Variants in BBOF1 observed in about 807,000 individuals in gnomAD.
The protein encoded by BBOF1 is basal body orientation factor 1, also known as basal body-orientation factor 1.
In BBOF1, 62 loss-of-function variants were observed where a neutral mutation model predicts 68.0. That is an observed-to-expected ratio of 0.91 (90% CI 0.74 to 1.13). The LOEUF is 1.13. BBOF1 is among the 50% of genes most tolerant of loss of function. BBOF1 has a pLI of 0.00. For synonymous variants in BBOF1, 208 were observed against 198.8 expected (o/e 1.05, Z -0.39); for missense variants, 534 against 600.1 (o/e 0.89, Z 1.15).
chr14:74,069,094 A>AT, downstream of BBOF1: 1 of 939,048 alleles, frequency 1.1e-6, no homozygotes, highest in Non-Finnish European at 1.5e-6. Flanking sequence ...TTTTTCTTTT[A>AT]CTTTTTCTTT....
downstream of BBOF1, chr14:74,066,833 G>T (rs756777014): frequency 6.2e-7 from 1 of 1,613,910 alleles, no homozygotes; most frequent in South Asian, 1.1e-5. Context: ...TTACAGACTC[G>T]CTCTTTGGCC....
intron 9 of BBOF1, chr14:74,072,030 C>G (rs2060556690): frequency 1.3e-6 from 2 of 1,593,258 alleles, no homozygotes; most frequent in Admixed American, 3.3e-5. Context: ...CTTTTAAATT[C>G]TGAGGTAGCA....
rs186267246 is a variant in BBOF1 at position 74,078,248 on chromosome 14, A to G, written n.1432A>G. The G allele has an allele frequency of 3.8e-4, 173 of 456,032 alleles. 1 individual carries two copies. Among genetic ancestry groups the G allele is most frequent in the Non-Finnish European group, 5.5e-4 (124 of 226,780 alleles). The allele number at this position is 456,032 out of a possible 1,614,324, so 28.2% of individuals were successfully genotyped here. A position where few individuals can be genotyped will look rare whatever the true frequency, so the allele number is the denominator to read the frequency against. ...TTCTCAACTTCCTACTAGCAAACCT[A>G]CAAAACTGAACTCAACCTAATGGAG... On this transcript the variant is annotated non_coding_transcript_exon_variant, in exon 10 of 13. Transcript: ENST00000492026.
At position 74,048,042 on chromosome 14, in the gene BBOF1, C is replaced by T. The variant is rs752110701; in HGVS notation, c.760C>T (p.Gln254Ter). The T allele has an allele frequency of 1.2e-6, 2 of 1,612,982 alleles. No homozygotes were observed. Among genetic ancestry groups the T allele is most frequent in the Non-Finnish European group, 1.7e-6 (2 of 1,179,644 alleles). Residue 254 changes from glutamine to a stop codon, truncating the protein, a stop_gained, in exon 7 of 12, where the codon CAA becomes TAA. Transcript: ENST00000394009. LOFTEE classifies it high-confidence loss of function. ...TCTACAAAAAAACTCCCAGAAGTTG[C>T]AAGAGAGTCATACTTTACTTTTACA... The part of the protein sequence containing the change: ...DALQKNSQKL[Q>*]ESHTLLLHQK...
At chr14:74,022,699 G>A (rs2059330577) in intron 1 of BBOF1, among the ~76,000 whole-genome samples, 1 of 152,110 alleles carries the variant, frequency 6.6e-6, no homozygotes, top group Non-Finnish European at 1.5e-5. Context: ...GAATACAAGT[G>A]AATATGTATT....
At chr14:74,082,714 T>C (rs1026932619) in intron 12 of BBOF1, 7 of 152,102 alleles carry the variant, frequency 4.6e-5, no homozygotes, top group Admixed American at 2.0e-4. Flanking sequence ...GGCTACTTTT[T>C]ATCGAACTTT....
intron 8 of BBOF1, among the ~76,000 whole-genome samples, chr14:74,050,850 T>C (rs1394645365): frequency 6.6e-6 from 1 of 152,176 alleles, no homozygotes; most frequent in African/African-American, 2.4e-5. Context: ...GGCTTACACC[T>C]GTAATCCCAG....
chr14:74,038,951 T>G (rs1451439583), intron 4 of BBOF1, among the ~76,000 whole-genome samples: 1 of 152,198 alleles, frequency 6.6e-6, no homozygotes, highest in Non-Finnish European at 1.5e-5. Flanking sequence ...TATACCCGAT[T>G]AACCAAAGAA....
At chr14:74,033,913 A>AT in intron 3 of BBOF1, 115 bp from the exon 4 acceptor site, 1 of 529,350 alleles carries the variant, frequency 1.9e-6, no homozygotes, top group Middle Eastern at 3.6e-4. Flanking sequence ...AATAGAAAAA[A>AT]GGGGGGATAT....
At chr14:74,035,633 A>C (rs1413313471) in intron 4 of BBOF1, among the ~76,000 whole-genome samples, 7 of 115,078 alleles carry the variant, frequency 6.1e-5, no homozygotes, top group Non-Finnish European at 1.1e-4. Context: ...GGGTTTTACC[A>C]TGCTGGTCAG....
In BBOF1 at chr14:74,047,933, A is replaced by T; in HGVS notation, c.651A>T (p.Gln217His). Residue 217 changes from glutamine to histidine, a missense_variant, in exon 7 of 12, where the codon CAA (glutamine) becomes CAT (histidine). Coordinates refer to ENST00000394009, the MANE Select transcript of BBOF1 (RefSeq NM_025057.3). ...AERAHHEAIV[Q>H]LNDAGRNVFK... is the part of the protein sequence containing the mutation. The stretch of plus-strand genomic sequence containing the variant: ...TGAGATCTTATATCTATTTCAGGCA[A>T]TTGAACGATGCTGGAAGAAATGTTT... 1.2e-6 allele frequency: 2 copies of T among 1,600,316 alleles called. No homozygotes were observed. The highest frequency in any genetic ancestry group is 1.7e-6 in the Non-Finnish European group (2 of 1,175,412).
intron 9 of BBOF1, chr14:74,074,894 G>A: frequency 6.5e-7 from 1 of 1,528,776 alleles, no homozygotes; most frequent in African/African-American, 1.4e-5. Context: ...AGAAGATAGA[G>A]ATACCCAAAA....
intron 1 of BBOF1, among the ~76,000 whole-genome samples, chr14:74,019,930 C>A (rs892493533): frequency 8.5e-5 from 13 of 152,174 alleles, no homozygotes; most frequent in African/African-American, 3.1e-4. Flanking sequence ...ATTGGGGGAC[C>A]CCGGTGGTTT....
At chr14:74,073,691 T>G (rs1230732485) in intron 9 of BBOF1, among the ~76,000 whole-genome samples, 1 of 151,874 alleles carries the variant, frequency 6.6e-6, no homozygotes, top group Non-Finnish European at 1.5e-5. Flanking sequence ...CCGAGGCAGG[T>G]GGATCAGTTG....
intron 9 of BBOF1, chr14:74,072,623 A>G: frequency 6.3e-7 from 1 of 1,597,790 alleles, no homozygotes. Flanking sequence ...TGAAAAAAAC[A>G]AACAAACAAA....
chr14:74,025,343 C>G (rs912257479), intron 2 of BBOF1, among the ~76,000 whole-genome samples: 1 of 151,986 alleles, frequency 6.6e-6, no homozygotes, highest in African/African-American at 2.4e-5. Context: ...GCCATTAAAC[C>G]AAAAGAAACA....
At position 74,023,025 on chromosome 14, in the gene BBOF1, A is replaced by G. The variant is rs1190398873; in HGVS notation, c.166A>G (p.Thr56Ala). Residue 56 changes from threonine to alanine, a missense_variant, in exon 2 of 12, where the codon ACT (threonine) becomes GCT (alanine). Thr to Ala is a moderately conservative substitution (Grantham distance 58). Transcript: ENST00000394009. Reference protein sequence around the residue: ...TELSRIKYRDTSRILAKSNED... With the variant: ...TELSRIKYRDASRILAKSNED... ...ACTCTCTAGGATTAAGTATCGTGAT[A>G]CTTCACGGATACTGGCAAAAAGTAA... 1.9e-6 allele frequency: 3 copies of G among 1,611,764 alleles called. No homozygotes were observed. The highest frequency in any genetic ancestry group is 1.3e-5 in the African/African-American group (1 of 74,906).
intron 3 of BBOF1, among the ~76,000 whole-genome samples, chr14:74,032,779 A>G (rs1427433784): frequency 6.6e-6 from 1 of 152,186 alleles, no homozygotes; most frequent in African/African-American, 2.4e-5. Flanking sequence ...GGTGTGAGCC[A>G]CCACGTCTGG....
chr14:74,025,127 A>G lies in BBOF1; in HGVS notation c.285+1983A>G, dbSNP rs141465962. Reference sequence around the variant, plus strand: ...GGTATTATTAAATTGCCCTCTATAAAGTATTGTTCTAAAGTAAGTTTTTTT... The same window carrying G: ...GGTATTATTAAATTGCCCTCTATAAGGTATTGTTCTAAAGTAAGTTTTTTT... On this transcript the variant is annotated intron_variant, in intron 2 of 11. Transcript: ENST00000394009. Among the ~76,000 whole-genome samples the G allele has an allele frequency of 2.2e-3, 329 of 152,314 alleles. 1 individual carries two copies. The highest frequency in any genetic ancestry group is 7.7e-3 in the African/African-American group (322 of 41,562).
Sources: allele counts gnomAD v4.1 joint callset (sites outside exome capture counted in the v4.1 genomes callset), GRCh38; gene constraint gnomAD v4.1.1; transcripts MANE v1.5; gene names NCBI Gene and HGNC (gene_info 2026-07-23, HGNC 2026-07-21).